Variants in SEMA6A observed in about 807,000 individuals in gnomAD.
The protein encoded by SEMA6A is semaphorin-6A.
SEMA6A carries 25 observed loss-of-function variants against 96.8 expected under a neutral mutation model. The ratio of observed to expected loss-of-function variants is 0.26; its 90% CI spans 0.19 to 0.36. The LOEUF is 0.36. SEMA6A is among the 10% of genes least tolerant of loss of function. The pLI is 1.00. For synonymous variants in SEMA6A, 612 were observed against 518.0 expected (o/e 1.18, Z -2.46); for missense variants, 1,363 against 1,323.1 (o/e 1.03, Z -0.47).
intron 1 of SEMA6A, among the ~76,000 whole-genome samples, chr5:116,524,929 A>G (rs1018191062): frequency 6.6e-6 from 1 of 152,168 alleles, no homozygotes; most frequent in African/African-American, 2.4e-5. Flanking sequence ...TTAGGTAAAG[A>G]TCTAGACAAT....
intron 18 of SEMA6A, among the ~76,000 whole-genome samples, chr5:116,454,319 G>A (rs1363629292): frequency 6.6e-6 from 1 of 152,094 alleles, no homozygotes; most frequent in African/African-American, 2.4e-5. Context: ...CCTAAAAATA[G>A]ATTCTTGATT....
At chr5:116,541,944 T>C (rs1031465863) in intron 1 of SEMA6A, among the ~76,000 whole-genome samples, 2 of 152,202 alleles carry the variant, frequency 1.3e-5, no homozygotes, top group Non-Finnish European at 2.9e-5. Context: ...GATGCTTTAT[T>C]TATCCAGTTA....
intron 1 of SEMA6A, among the ~76,000 whole-genome samples, chr5:116,528,248 G>A (rs1200267603): frequency 2.0e-5 from 3 of 152,112 alleles, no homozygotes; most frequent in African/African-American, 7.2e-5. Flanking sequence ...GAAACTAAAA[G>A]TAAATAGCAA....
chr5:116,485,927 TC>T (rs1296546529), intron 10 of SEMA6A, among the ~76,000 whole-genome samples: 1 of 152,240 alleles, frequency 6.6e-6, no homozygotes, highest in Non-Finnish European at 1.5e-5. Flanking sequence ...ATGCTTATCT[TC>T]CTTCTGTTCT....
intron 16 of SEMA6A, among the ~76,000 whole-genome samples, chr5:116,473,544 A>G (rs1448084520): frequency 6.6e-6 from 1 of 152,238 alleles, no homozygotes; most frequent in African/African-American, 2.4e-5. Context: ...TTCTGAAATC[A>G]TCAGGGGTTT....
At chr5:116,453,759 C>T (rs1754801021) in intron 18 of SEMA6A, among the ~76,000 whole-genome samples, 1 of 152,178 alleles carries the variant, frequency 6.6e-6, no homozygotes, top group African/African-American at 2.4e-5. Flanking sequence ...AAAAGCACAG[C>T]TAGTCTACCT....
intron 1 of SEMA6A, among the ~76,000 whole-genome samples, chr5:116,518,316 G>T (rs1383307129): frequency 1.3e-5 from 2 of 152,122 alleles, no homozygotes; most frequent in African/African-American, 4.8e-5. Context: ...TAAAATGGAG[G>T]CAAATGGTTA....
intron 1 of SEMA6A, among the ~76,000 whole-genome samples, chr5:116,519,619 A>G (rs1758834097): frequency 6.6e-6 from 1 of 152,032 alleles, no homozygotes; most frequent in Non-Finnish European, 1.5e-5. Flanking sequence ...GGAAGTCTCC[A>G]GACCACTGCA....
intron 1 of SEMA6A, among the ~76,000 whole-genome samples, chr5:116,527,466 C>G (rs901382928): frequency 4.6e-5 from 7 of 152,102 alleles, no homozygotes; most frequent in Non-Finnish European, 1.5e-5. Flanking sequence ...GGAAGTATTT[C>G]TCACATAAGC....
At chr5:116,499,945 T>TC (rs1416991902) in intron 3 of SEMA6A, among the ~76,000 whole-genome samples, 2 of 152,156 alleles carry the variant, frequency 1.3e-5, no homozygotes, top group South Asian at 2.1e-4. Context: ...TACCATTTTT[T>TC]CCCCCGGAAA....
At chr5:116,503,795 G>A (rs778154099) in intron 2 of SEMA6A, among the ~76,000 whole-genome samples, 11 of 152,158 alleles carry the variant, frequency 7.2e-5, no homozygotes, top group Middle Eastern at 3.4e-3. Flanking sequence ...GATTACAGGC[G>A]TAAGCCACCG....
At chr5:116,484,111 A>C (rs1756924836) in intron 10 of SEMA6A, among the ~76,000 whole-genome samples, 1 of 151,612 alleles carries the variant, frequency 6.6e-6, no homozygotes, top group African/African-American at 2.4e-5. Flanking sequence ...TTTGTTTTGG[A>C]ATTTCAGAAC....
intron 18 of SEMA6A, among the ~76,000 whole-genome samples, chr5:116,451,257 A>G (rs1417603578): frequency 6.6e-6 from 1 of 152,220 alleles, no homozygotes; most frequent in Non-Finnish European, 1.5e-5. Context: ...CTAAAGCTCA[A>G]AAGAAGCCAC....
chr5:116,523,779 G>A (rs889821979), intron 1 of SEMA6A, among the ~76,000 whole-genome samples: 4 of 152,144 alleles, frequency 2.6e-5, no homozygotes, highest in African/African-American at 9.7e-5. Context: ...GTGTGACCTG[G>A]GCTGTGAAAA....
intron 7 of SEMA6A, 71 bp from the exon 8 acceptor site, chr5:116,489,078 T>C (rs1342621486): frequency 1.5e-5 from 21 of 1,435,776 alleles, no homozygotes; most frequent in Non-Finnish European, 1.9e-5. Flanking sequence ...AATAAAGACA[T>C]CCCCTAGATT....
chr5:116,476,621 G>C (rs575094337), intron 15 of SEMA6A, among the ~76,000 whole-genome samples: 2 of 152,246 alleles, frequency 1.3e-5, no homozygotes, highest in South Asian at 4.2e-4. Context: ...CAAACCTTAA[G>C]GAAACTATTT....
intron 1 of SEMA6A, among the ~76,000 whole-genome samples, chr5:116,537,447 G>C (rs1759766100): frequency 6.6e-6 from 1 of 152,150 alleles, no homozygotes; most frequent in Admixed American, 6.5e-5. Context: ...GTGGAGACCA[G>C]GTCAGGGGTT....
chr5:116,449,608 C>G (rs1218497129), intron 18 of SEMA6A: 1 of 436,188 alleles, frequency 2.3e-6, no homozygotes, highest in East Asian at 3.9e-5. Context: ...AGTACATTCT[C>G]TTTTTCTTTC....
intron 10 of SEMA6A, among the ~76,000 whole-genome samples, chr5:116,482,924 T>C (rs1046217642): frequency 1.3e-5 from 2 of 152,224 alleles, no homozygotes; most frequent in Non-Finnish European, 2.9e-5. Flanking sequence ...ATGACCTCTC[T>C]GAAGTCTCTG....
Sources: gnomAD v4.1 joint callset for allele counts (sites outside exome capture counted in the v4.1 genomes callset) on GRCh38, gnomAD v4.1.1 for gene constraint, MANE v1.5 for transcripts, NCBI Gene and HGNC (gene_info 2026-07-23, HGNC 2026-07-21) for gene names.